SLC44A3: variants seen among roughly 807,000 people sequenced by gnomAD.
SLC44A3 encodes the protein solute carrier family 44 member 3, also known as choline transporter-like protein 3.
A neutral mutation model predicts 75.4 loss-of-function variants in SLC44A3; 74 were observed. The ratio of observed to expected loss-of-function variants is 0.98; its 90% CI spans 0.81 to 1.19. SLC44A3 has a LOEUF of 1.19. Ranked by LOEUF, SLC44A3 falls within the 50% of genes most tolerant of loss-of-function variation. The probability of loss-of-function intolerance (pLI) is 0.00; values close to 1 mark genes in which losing one functional copy is unlikely to be tolerated. For missense variants in SLC44A3, 700 were observed against 778.6 expected (o/e 0.90, Z 1.20); for synonymous variants, 310 against 296.9 (o/e 1.04, Z -0.45).
intron 9 of SLC44A3, among the ~76,000 whole-genome samples, chr1:94,849,437 A>G (rs1354248544): frequency 2.0e-5 from 3 of 152,130 alleles, no homozygotes; most frequent in Admixed American, 6.5e-5. Context: ...ACCCAGGTGC[A>G]CAGGGTCCCC....
In SLC44A3 at chr1:94,828,500, C is replaced by T. The variant is rs1257342363; in HGVS notation, c.423C>T (p.Phe141=). The T allele has an allele frequency of 1.2e-6, 2 of 1,613,354 alleles. No homozygotes were observed. The highest frequency in any genetic ancestry group is 1.1e-5 in the South Asian group (1 of 90,902). The change falls in exon 5 of 15, where the codon TTC becomes TTT. Residue 141 remains phenylalanine, a synonymous_variant. Coordinates refer to ENST00000271227, the MANE Select transcript of SLC44A3 (RefSeq NM_001114106.3). ...TGTGTGTTCTGCTTCCAGGGTCCTT[C>T]CTGTGTGTTTATAGTTTGAATTCCT... ...VQFFANTSGS[F]LCVYSLNSFN... is the part of the protein sequence containing the mutation.
intron 10 of SLC44A3, 33 bp from the exon 11 acceptor site, chr1:94,864,710 T>C: frequency 6.3e-7 from 1 of 1,595,496 alleles, no homozygotes; most frequent in Non-Finnish European, 8.5e-7. Flanking sequence ...ATAAAAAGTG[T>C]TTTTAAAATG....
chr1:94,823,473 G>A (rs1660895371), intron 2 of SLC44A3, among the ~76,000 whole-genome samples: 1 of 152,220 alleles, frequency 6.6e-6, no homozygotes, highest in South Asian at 2.1e-4. Flanking sequence ...CAGCCCGTAA[G>A]TCCTGCTTGC....
At chr1:94,842,216 G>A (rs1663751287) in intron 8 of SLC44A3, 92 bp downstream of exon 8, 2 of 1,470,294 alleles carry the variant, frequency 1.4e-6, no homozygotes, top group South Asian at 1.5e-5. Flanking sequence ...ACTATAATTT[G>A]TTTTTCTTTT....
chr1:94,879,814 G>A (rs1320628328), intron 12 of SLC44A3, among the ~76,000 whole-genome samples: 2 of 150,162 alleles, frequency 1.3e-5, no homozygotes, highest in African/African-American at 2.5e-5. Flanking sequence ...ACTCTAGCCT[G>A]GGCAACAGTG....
rs201407163 is a variant in SLC44A3 at position 94,865,704 on chromosome 1, TC to T, written c.1395+806del. Among the ~76,000 whole-genome samples the T allele has an allele frequency of 6.3e-3, 957 of 152,318 alleles. 7 individuals carry two copies. Among genetic ancestry groups the T allele is most frequent in the Non-Finnish European group, 8.9e-3 (606 of 68,026 alleles). ...CACACAATGTTAATCTCTTCCCCCG[TC>T]ACCACCTTAGAGTTGGTGACTTGGT... On this transcript the variant is annotated intron_variant, in intron 11 of 14. Transcript: ENST00000271227.
intron 10 of SLC44A3, among the ~76,000 whole-genome samples, chr1:94,863,331 C>T (rs1288432766): frequency 6.6e-6 from 1 of 152,124 alleles, no homozygotes; most frequent in Non-Finnish European, 1.5e-5. Context: ...CACAGTGAAA[C>T]CTCAGAAAGC....
intron 12 of SLC44A3, among the ~76,000 whole-genome samples, chr1:94,890,843 TCAAAA>T (rs1412491546): frequency 6.6e-6 from 1 of 152,174 alleles, no homozygotes; most frequent in Non-Finnish European, 1.5e-5. Flanking sequence ...TAAGACTGTC[TCAAAA>T]CAAGCAAATA....
At chr1:94,845,195 CATA>C (rs1664245113) in intron 8 of SLC44A3, 80 bp from the exon 9 acceptor site, 5 of 1,385,330 alleles carry the variant, frequency 3.6e-6, no homozygotes, top group Non-Finnish European at 4.9e-6. Context: ...GCTGAGATGT[CATA>C]ATAATAGTAG....
intron 12 of SLC44A3, among the ~76,000 whole-genome samples, chr1:94,868,445 A>G (rs1667404976): frequency 6.6e-6 from 1 of 152,170 alleles, no homozygotes; most frequent in African/African-American, 2.4e-5. Flanking sequence ...TAGGCTCTTA[A>G]ACTTGGAGAA....
intron 3 of SLC44A3, among the ~76,000 whole-genome samples, chr1:94,826,232 G>A (rs1398735183): frequency 6.6e-6 from 1 of 152,228 alleles, no homozygotes; most frequent in Admixed American, 6.5e-5. Flanking sequence ...AGGGCTGGAG[G>A]AAAGGAGGGT....
chr1:94,834,418 T>C (rs1662513639), intron 5 of SLC44A3, among the ~76,000 whole-genome samples: 2 of 152,126 alleles, frequency 1.3e-5, no homozygotes, highest in Non-Finnish European at 1.5e-5. Flanking sequence ...AAAGAATAAA[T>C]GTTGATGAGG....
At chr1:94,857,312 C>T in intron 9 of SLC44A3, 23 bp from the exon 10 acceptor site, 1 of 1,578,106 alleles carries the variant, frequency 6.3e-7, no homozygotes, top group Non-Finnish European at 8.6e-7. Flanking sequence ...TGGTGTAAAG[C>T]ATGTTTGTGT....
chr1:94,848,942 A>G (rs890733446), intron 9 of SLC44A3, among the ~76,000 whole-genome samples: 1 of 152,152 alleles, frequency 6.6e-6, no homozygotes, highest in Non-Finnish European at 1.5e-5. Context: ...AAGTCAAGGC[A>G]GCACAAGGAG....
chr1:94,869,743 G>A (rs1380935651), intron 12 of SLC44A3, among the ~76,000 whole-genome samples: 1 of 152,184 alleles, frequency 6.6e-6, no homozygotes, highest in East Asian at 1.9e-4. Context: ...AAAGGAAAGT[G>A]AGCATAAAGT....
intron 9 of SLC44A3, among the ~76,000 whole-genome samples, chr1:94,851,148 A>G (rs551303359): frequency 6.6e-6 from 1 of 152,236 alleles, no homozygotes; most frequent in Admixed American, 6.5e-5. Context: ...TGCTTCCCCA[A>G]ACTAGTCATT....
chr1:94,857,475 G>A lies in SLC44A3; in HGVS notation c.1213G>A (p.Ala405Thr), dbSNP rs1406351603. 4 of 1,612,458 alleles carry A rather than the reference G, an allele frequency of 2.5e-6. No homozygotes were observed. In the Admixed American group the frequency reaches 5.0e-5, roughly 20 times the overall value. ...GTGCCAGCAAATGACTATAGCTGGG[G>A]CAGTGGTTACTTGTTATTTCAACAG... is the stretch of plus-strand genomic sequence containing the variant. ...LACQQMTIAG[A>T]VVTCYFNRSK... The change falls in exon 10 of 15, where the codon GCA becomes ACA. Residue 405 changes from alanine (A) to threonine (T), a missense_variant. Ala to Thr is a moderately conservative substitution (Grantham distance 58). Transcript: ENST00000271227.
chr1:94,856,861 G>C (rs1340918778), intron 9 of SLC44A3, among the ~76,000 whole-genome samples: 1 of 152,094 alleles, frequency 6.6e-6, no homozygotes, highest in African/African-American at 2.4e-5. Context: ...CTTCCGAATA[G>C]CTGGAACTAC....
intron 12 of SLC44A3, 36 bp downstream of exon 12, chr1:94,867,453 AG>A: frequency 6.6e-7 from 1 of 1,524,502 alleles, no homozygotes; most frequent in African/African-American, 1.4e-5. Flanking sequence ...AACACACAGA[AG>A]GGTCCAAAGG....
Sources: gnomAD v4.1 joint callset for allele counts (sites outside exome capture counted in the v4.1 genomes callset) on GRCh38, gnomAD v4.1.1 for gene constraint, MANE v1.5 for transcripts, NCBI Gene and HGNC (gene_info 2026-07-23, HGNC 2026-07-21) for gene names.